NTM: variants seen among roughly 807,000 people sequenced by gnomAD.
NTM encodes neurotrimin.
A neutral mutation model predicts 42.1 loss-of-function variants in NTM; 13 were observed. The observed-to-expected ratio is 0.31, with a 90% CI of 0.20 to 0.49. NTM has a LOEUF of 0.49. NTM is among the 20% of genes least tolerant of loss of function. The pLI, the probability that NTM is intolerant of heterozygous loss-of-function variation, is 0.99. For synonymous variants in NTM, 187 were observed against 179.2 expected (o/e 1.04, Z -0.35); for missense variants, 373 against 452.8 (o/e 0.82, Z 1.60).
chr11:131,502,267 G>A (rs999789811), intron 1 of NTM, among the ~76,000 whole-genome samples: 7 of 152,122 alleles, frequency 4.6e-5, no homozygotes, highest in Middle Eastern at 6.3e-3. Context: ...CCCTTATGAA[G>A]GAGCCTCGAG....
intron 1 of NTM, among the ~76,000 whole-genome samples, chr11:131,729,950 G>A (rs1039366226): frequency 6.6e-6 from 1 of 152,058 alleles, no homozygotes; most frequent in Non-Finnish European, 1.5e-5. Flanking sequence ...TTTCTCTCGG[G>A]CATATATGTA....
chr11:131,911,517 G>A (rs938227796), intron 1 of NTM, 47 bp from the exon 2 acceptor site: 14 of 1,614,218 alleles, frequency 8.7e-6, no homozygotes, highest in East Asian at 2.2e-5. Context: ...TGCCCTGGAA[G>A]TGCCTCGTGG....
intron 4 of NTM, among the ~76,000 whole-genome samples, chr11:132,212,480 T>C (rs2083025272): frequency 6.6e-6 from 1 of 152,222 alleles, no homozygotes; most frequent in African/African-American, 2.4e-5. Flanking sequence ...GTTCAGCTGG[T>C]TGTTTTAAAA....
intron 1 of NTM, among the ~76,000 whole-genome samples, chr11:131,797,211 G>A: frequency 6.6e-6 from 1 of 152,062 alleles, no homozygotes. Flanking sequence ...TTTTTTCCTT[G>A]TGGTTTTCAA....
intron 2 of NTM, among the ~76,000 whole-genome samples, chr11:131,955,692 C>T (rs1209215907): frequency 1.3e-5 from 2 of 151,914 alleles, no homozygotes; most frequent in South Asian, 2.1e-4. Flanking sequence ...TCCCTCCCAC[C>T]CTCCCAGTGC....
In NTM at chr11:131,551,163, C is replaced by G. The variant is rs112811491; in HGVS notation, c.82+180275C>G. Among the ~76,000 whole-genome samples, 1,088 of 152,290 alleles carry G rather than the reference C, an allele frequency of 7.1e-3. 10 individuals carry two copies. Among genetic ancestry groups the G allele is most frequent in the African/African-American group, 0.025 (1,043 of 41,562 alleles). ...AGGGACCACAGGTGTGACACTGGTC[C>G]CAGCTCAGCCCTTGCTTTTAGTCTG... On this transcript the variant is annotated intron_variant, in intron 1 of 8. Coordinates refer to ENST00000683400, the MANE Select transcript of NTM (RefSeq NM_001352005.2).
chr11:131,757,360 A>C (rs1027132457), intron 1 of NTM, among the ~76,000 whole-genome samples: 1 of 152,212 alleles, frequency 6.6e-6, no homozygotes, highest in Admixed American at 6.5e-5. Context: ...AATTCCTTCT[A>C]CTGGAGTCAT....
chr11:131,584,720 T>A (rs2458763), intron 1 of NTM, among the ~76,000 whole-genome samples: 1 of 151,808 alleles, frequency 6.6e-6, no homozygotes, highest in Non-Finnish European at 1.5e-5. Flanking sequence ...GATTACAGCC[T>A]GTGTCAATCA....
intron 2 of NTM, among the ~76,000 whole-genome samples, chr11:132,043,624 T>C (rs1000432441): frequency 1.3e-5 from 2 of 152,204 alleles, no homozygotes; most frequent in African/African-American, 4.8e-5. Flanking sequence ...TGGTCACCCG[T>C]TATGGCTCTT....
intron 2 of NTM, among the ~76,000 whole-genome samples, chr11:132,013,379 A>T (rs1382983161): frequency 6.6e-6 from 1 of 152,186 alleles, no homozygotes; most frequent in Non-Finnish European, 1.5e-5. Context: ...TTATCATCCT[A>T]GTGGAAAGGA....
chr11:131,381,412 C>T lies in NTM; in HGVS notation c.82+10524C>T, dbSNP rs574393310. On this transcript the variant is annotated intron_variant, in intron 1 of 8. Transcript: ENST00000683400. The stretch of plus-strand genomic sequence containing the variant: ...TTTTCTCAATGCAACTGGTGATACA[C>T]GAATATTTATAGTTGGATAAACCAT... 4.6e-5 allele frequency among the ~76,000 whole-genome samples: 7 copies of T among 152,172 alleles called. 1 individual carries two copies. The highest frequency in any genetic ancestry group is 4.8e-5 in the African/African-American group (2 of 41,522).
chr11:132,045,143 G>A (rs1337884851), intron 2 of NTM, among the ~76,000 whole-genome samples: 2 of 152,168 alleles, frequency 1.3e-5, no homozygotes, highest in African/African-American at 2.4e-5. Context: ...CAGCGTTAGT[G>A]TTTCATATCA....
chr11:131,808,463 A>G (rs1456773573), intron 1 of NTM, among the ~76,000 whole-genome samples: 1 of 152,238 alleles, frequency 6.6e-6, no homozygotes, highest in African/African-American at 2.4e-5. Flanking sequence ...CATGATGTAA[A>G]TAAGCGTAAC....
In NTM at chr11:132,140,707, C is replaced by T. The variant is rs2068919347; in HGVS notation, c.168-5575C>T. ...TCCTGTTTTGTTAATTTCTTAGTTT[C>T]CCCCAGAGAACACTTTCTCACAAGC... On this transcript the variant is annotated intron_variant, in intron 2 of 8. Transcript: ENST00000683400. 2.0e-5 allele frequency among the ~76,000 whole-genome samples: 3 copies of T among 152,270 alleles called. No individual in the cohort carries two copies. The South Asian group carries it at 6.2e-4, about 32-fold the overall frequency.
intron 4 of NTM, among the ~76,000 whole-genome samples, chr11:132,231,946 G>A (rs2087672028): frequency 1.3e-5 from 2 of 152,184 alleles, no homozygotes; most frequent in Admixed American, 1.3e-4. Context: ...GGGCAGTGCA[G>A]TGGGAGGAGA....
At chr11:131,489,938 A>G (rs1283944606) in intron 1 of NTM, among the ~76,000 whole-genome samples, 1 of 152,240 alleles carries the variant, frequency 6.6e-6, no homozygotes, top group Non-Finnish European at 1.5e-5. Flanking sequence ...GTTCTGCAAC[A>G]TAAACAAGAA....
intron 1 of NTM, among the ~76,000 whole-genome samples, chr11:131,731,201 C>T (rs1043871136): frequency 2.6e-5 from 4 of 152,154 alleles, no homozygotes; most frequent in Non-Finnish European, 1.5e-5. Context: ...CATCCAATCT[C>T]TTGACTCTAA....
intron 1 of NTM, among the ~76,000 whole-genome samples, chr11:131,569,408 A>G (rs892507272): frequency 6.6e-6 from 1 of 152,068 alleles, no homozygotes; most frequent in African/African-American, 2.4e-5. Flanking sequence ...GGCCTCCCAA[A>G]GTGCTGGGTT....
chr11:132,053,876 C>T (rs911511217), intron 2 of NTM, among the ~76,000 whole-genome samples: 12 of 152,160 alleles, frequency 7.9e-5, no homozygotes, highest in African/African-American at 2.9e-4. Flanking sequence ...AGAGTAGTAT[C>T]ACTGGACCTT....
Sources: allele counts gnomAD v4.1 joint callset (sites outside exome capture counted in the v4.1 genomes callset), GRCh38; gene constraint gnomAD v4.1.1; transcripts MANE v1.5; gene names NCBI Gene and HGNC (gene_info 2026-07-23, HGNC 2026-07-21).